The following MDGA2 variants were observed in gnomAD, a reference collection of about 807,000 sequenced individuals.
MDGA2 encodes the protein MAM domain-containing glycosylphosphatidylinositol anchor protein 2.
In MDGA2, 40 loss-of-function variants were observed where a neutral mutation model predicts 117.8. The ratio of observed to expected loss-of-function variants is 0.34; its 90% confidence interval spans 0.26 to 0.44. The LOEUF (loss-of-function observed/expected upper bound fraction) is 0.44, where lower values mean the gene tolerates loss of function less well. MDGA2 is among the 20% of genes least tolerant of loss of function. The probability of loss-of-function intolerance (pLI) is 1.00; values close to 1 mark genes in which losing one functional copy is unlikely to be tolerated. For synonymous variants in MDGA2, 452 were observed against 439.0 expected (o/e 1.03, Z -0.37); for missense variants, 1,123 against 1,250.6 (o/e 0.90, Z 1.54).
chr14:47,628,249 A>G (rs1006720394), intron 1 of MDGA2, among the ~76,000 whole-genome samples: 4 of 152,070 alleles, frequency 2.6e-5, no homozygotes, highest in African/African-American at 7.2e-5. Context: ...TGCATGGCAT[A>G]TTTTGCTTTT....
At chr14:46,870,799 C>T (rs1262784832) in intron 14 of MDGA2, 2 of 151,926 alleles carry the variant, frequency 1.3e-5, no homozygotes, top group African/African-American at 2.4e-5. Flanking sequence ...ATAAGACTAA[C>T]AACTATTAAG....
intron 1 of MDGA2, among the ~76,000 whole-genome samples, chr14:47,580,364 T>C (rs1283375386): frequency 6.6e-6 from 1 of 152,024 alleles, no homozygotes; most frequent in East Asian, 1.9e-4. Flanking sequence ...GCTAATCCCA[T>C]TCATGAGGGC....
chr14:47,378,025 A>G (rs970277326), intron 1 of MDGA2, among the ~76,000 whole-genome samples: 3 of 152,184 alleles, frequency 2.0e-5, no homozygotes, highest in Non-Finnish European at 2.9e-5. Context: ...CAGAGGAAGG[A>G]CCAGGCAGCA....
At chr14:47,476,904 G>A (rs1893853456) in intron 1 of MDGA2, among the ~76,000 whole-genome samples, 1 of 152,196 alleles carries the variant, frequency 6.6e-6, no homozygotes, top group South Asian at 2.1e-4. Context: ...GCTCATGCCT[G>A]TAATCCCAGC....
At chr14:47,076,754 A>G (rs1426690281) in intron 6 of MDGA2, among the ~76,000 whole-genome samples, 1 of 152,128 alleles carries the variant, frequency 6.6e-6, no homozygotes, top group African/African-American at 2.4e-5. Flanking sequence ...GAATCTTATA[A>G]AGCTATTATT....
At chr14:46,964,919 C>CTTTTTTTTATTTTTTTTTTTT (rs1885957464) in intron 8 of MDGA2, among the ~76,000 whole-genome samples, 1 of 89,810 alleles carries the variant, frequency 1.1e-5, no homozygotes, top group African/African-American at 6.1e-5. Flanking sequence ...TATATATTTA[C>CTTTTTTTTATTTTTTTTTTTT]TTTTTTTTTT....
intron 1 of MDGA2, among the ~76,000 whole-genome samples, chr14:47,414,904 A>G (rs1034608076): frequency 1.3e-5 from 2 of 152,108 alleles, no homozygotes; most frequent in Non-Finnish European, 2.9e-5. Flanking sequence ...CACTGTAAAG[A>G]TTTAGATATA....
intron 1 of MDGA2, among the ~76,000 whole-genome samples, chr14:47,565,656 C>A (rs1895903161): frequency 6.6e-6 from 1 of 152,172 alleles, no homozygotes; most frequent in Non-Finnish European, 1.5e-5. Context: ...AGAGTGCATG[C>A]TCATTGGATG....
intron 1 of MDGA2, among the ~76,000 whole-genome samples, chr14:47,314,857 G>A (rs750771967): frequency 3.7e-4 from 56 of 152,108 alleles, no homozygotes; most frequent in Admixed American, 1.3e-3. Flanking sequence ...ATACAAAAAT[G>A]GTATAGTTTA....
At chr14:47,473,280 C>T (rs566629341) in intron 1 of MDGA2, among the ~76,000 whole-genome samples, 1 of 152,236 alleles carries the variant, frequency 6.6e-6, no homozygotes, top group East Asian at 1.9e-4. Flanking sequence ...AGCTAGGGGT[C>T]TCCCTCCAAG....
chr14:47,522,327 G>A (rs1172220738), intron 1 of MDGA2, among the ~76,000 whole-genome samples: 1 of 130,924 alleles, frequency 7.6e-6, no homozygotes, highest in Non-Finnish European at 1.6e-5. Flanking sequence ...GTATATATTT[G>A]TGTATGTGTG....
rs778910821 is a variant in MDGA2, at chr14:47,131,609, C to A, written c.925+105G>T. 2.3e-5 allele frequency: 20 copies of A among 867,742 alleles called. No individual in the cohort carries two copies. The Admixed American group carries it at 2.3e-4, about 10-fold the overall frequency. The allele number at this position is 867,742 out of a possible 1,614,324, so 53.8% of individuals were successfully genotyped here. On this transcript the variant is annotated intron_variant, in intron 5 of 16. Transcript: ENST00000399232. Reference sequence around the variant, plus strand: ...TTTTCTGGGAATAAAGGTGCTTATTCCTACATACACCGTAGAAATCATTTG... The same window carrying A: ...TTTTCTGGGAATAAAGGTGCTTATTACTACATACACCGTAGAAATCATTTG...
intron 1 of MDGA2, among the ~76,000 whole-genome samples, chr14:47,408,405 A>G (rs1262897871): frequency 6.6e-6 from 1 of 152,150 alleles, no homozygotes; most frequent in East Asian, 1.9e-4. Context: ...TGATCTTTTA[A>G]AAGTAGACAA....
chr14:47,118,538 T>A (rs1224579029), intron 5 of MDGA2, among the ~76,000 whole-genome samples: 1 of 152,190 alleles, frequency 6.6e-6, no homozygotes, highest in Non-Finnish European at 1.5e-5. Context: ...TTTGGTACCA[T>A]CACATTTCTC....
chr14:47,322,397 C>T (rs934098155), intron 1 of MDGA2, among the ~76,000 whole-genome samples: 3 of 152,146 alleles, frequency 2.0e-5, no homozygotes, highest in Admixed American at 1.3e-4. Context: ...TGCTATATTT[C>T]ATTTCGTGCT....
chr14:47,324,210 G>A (rs756691865), intron 1 of MDGA2, among the ~76,000 whole-genome samples: 5 of 151,840 alleles, frequency 3.3e-5, no homozygotes, highest in African/African-American at 4.8e-5. Flanking sequence ...ACACCATTGC[G>A]CTCCAGCCTG....
intron 1 of MDGA2, among the ~76,000 whole-genome samples, chr14:47,360,552 T>C (rs1372719142): frequency 6.6e-6 from 1 of 152,004 alleles, no homozygotes; most frequent in Non-Finnish European, 1.5e-5. Context: ...GTCAGGAATA[T>C]TATCAAAAGA....
intron 1 of MDGA2, among the ~76,000 whole-genome samples, chr14:47,573,601 G>C (rs544438385): frequency 1.3e-5 from 2 of 152,170 alleles, no homozygotes; most frequent in East Asian, 3.9e-4. Flanking sequence ...AATGTGCTCG[G>C]GTATTCTGTG....
At chr14:47,628,732 G>C (rs918565662) in intron 1 of MDGA2, among the ~76,000 whole-genome samples, 1 of 152,178 alleles carries the variant, frequency 6.6e-6, no homozygotes, top group Admixed American at 6.5e-5. Flanking sequence ...TGATGCACCA[G>C]CCAGACTCCC....
Sources: gnomAD v4.1 joint callset for allele counts (sites outside exome capture counted in the v4.1 genomes callset) on GRCh38, gnomAD v4.1.1 for gene constraint, MANE v1.5 for transcripts, NCBI Gene and HGNC (gene_info 2026-07-23, HGNC 2026-07-21) for gene names.